Variants in SLCO4A1 observed in about 807,000 individuals in gnomAD.
SLCO4A1 encodes colon organic anion transporter.
A neutral mutation model predicts 64.6 loss-of-function variants in SLCO4A1; 51 were observed. The observed-to-expected ratio is 0.79, with a 90% CI of 0.63 to 1.00. The LOEUF (loss-of-function observed/expected upper bound fraction) is 1.00, where lower values mean the gene tolerates loss of function less well. Among genes scored for constraint, SLCO4A1 ranks in the 50% least tolerant of loss-of-function variants. The pLI is 0.00. For synonymous variants in SLCO4A1, 471 were observed against 444.9 expected (o/e 1.06, Z -0.74); for missense variants, 919 against 980.5 (o/e 0.94, Z 0.84).
At position 62,668,269 on chromosome 20, in the gene SLCO4A1, A is replaced by G. The variant is rs577815836; in HGVS notation, c.1811+85A>G. ...GCTCTGCAGATCCTGAGACAGGAGC[A>G]CTCCAGGAAACACCCAGGTCTAAGC... is the stretch of plus-strand genomic sequence containing the variant. On this transcript the variant is annotated intron_variant, in intron 9 of 11. Transcript: ENST00000217159. 1.4e-5 allele frequency: 20 copies of G among 1,474,544 alleles called. No homozygotes were observed. The African/African-American group carries it at 2.1e-4, about 15-fold the overall frequency. 91.3% of individuals were successfully genotyped at this position (1,474,544 alleles called of 1,614,324 possible).
chr20:62,682,913 G>A (rs558404397), intron 2 of SLCO4A1, among the ~76,000 whole-genome samples: 25 of 152,310 alleles, frequency 1.6e-4, no homozygotes, highest in East Asian at 1.4e-3. Context: ...GCATGAGGAC[G>A]GCCAGCATCC....
intron 3 of SLCO4A1, 132 bp downstream of exon 3, chr20:62,658,899 G>C (rs953114394): frequency 2.1e-5 from 16 of 756,396 alleles, no homozygotes; most frequent in Non-Finnish European, 3.3e-5. Context: ...CCGGGCTGGA[G>C]GGAGTCAAGG....
At chr20:62,650,375 G>A (rs1204666912) in intron 1 of SLCO4A1, 1 of 152,186 alleles carries the variant, frequency 6.6e-6, no homozygotes, top group Non-Finnish European at 1.5e-5. Context: ...CAGCCTCTAC[G>A]TGGGGCTGCC....
intron 1 of SLCO4A1, among the ~76,000 whole-genome samples, chr20:62,654,376 A>G (rs1983241824): frequency 6.6e-6 from 1 of 152,180 alleles, no homozygotes; most frequent in Non-Finnish European, 1.5e-5. Context: ...CTGCCCGGGG[A>G]ACACGGGGGG....
At chr20:62,679,247 G>T (rs1006579814) in intron 2 of SLCO4A1, among the ~76,000 whole-genome samples, 24 of 152,174 alleles carry the variant, frequency 1.6e-4, no homozygotes, top group African/African-American at 5.8e-4. Flanking sequence ...AGCTGCTCTG[G>T]GTCACGAAGC....
intron 9 of SLCO4A1, 43 bp downstream of exon 9, chr20:62,668,227 C>T: frequency 6.2e-7 from 1 of 1,604,602 alleles, no homozygotes. Flanking sequence ...GCTTTCCTTG[C>T]AGCACCCTGA....
chr20:62,643,110 A>T, intron 1 of SLCO4A1: 1 of 447,140 alleles, frequency 2.2e-6, no homozygotes, highest in South Asian at 1.6e-5. Flanking sequence ...GGCGCTCGAG[A>T]CATCTCCGGG....
At chr20:62,680,123 G>A (rs1409817065) in intron 2 of SLCO4A1, among the ~76,000 whole-genome samples, 1 of 152,172 alleles carries the variant, frequency 6.6e-6, no homozygotes, top group Non-Finnish European at 1.5e-5. Flanking sequence ...TATAATGATC[G>A]AGTTCAACGT....
At position 62,671,853 on chromosome 20, in the gene SLCO4A1, C is replaced by A. The variant is rs1283550421; in HGVS notation, c.2129C>A (p.Pro710His). 1.2e-6 allele frequency: 2 copies of A among 1,613,294 alleles called. No individual in the cohort carries two copies. The highest frequency in any genetic ancestry group is 2.2e-5 in the South Asian group (2 of 91,092). ...ETCLPSQSSAPDSATDSQLQS... is the reference protein window; with the variant it reads ...ETCLPSQSSAHDSATDSQLQS... ...TGTCTGCCCAGCCAGTCCTCAGCCC[C>A]TGACAGTGCCACAGATAGCCAGCTC... is the stretch of plus-strand genomic sequence containing the variant. The change falls in exon 12 of 12, where the codon CCT (proline) becomes CAT (histidine). Residue 710 changes from proline (P) to histidine (H), a missense_variant. Pro to His is a moderately conservative substitution (Grantham distance 77). Coordinates refer to ENST00000217159, the MANE Select transcript of SLCO4A1 (RefSeq NM_016354.4).
chr20:62,667,056 A>T (rs1197320659), intron 7 of SLCO4A1, among the ~76,000 whole-genome samples: 2 of 152,196 alleles, frequency 1.3e-5, no homozygotes, highest in Non-Finnish European at 2.9e-5. Flanking sequence ...CCGGGAGTGC[A>T]CCTGCAGGTG....
In SLCO4A1 at chr20:62,644,111, C is replaced by T. The variant is rs1980888011; in HGVS notation, c.-97+1558C>T. On this transcript the variant is annotated intron_variant, in intron 1 of 11. Coordinates refer to ENST00000217159, the MANE Select transcript of SLCO4A1 (RefSeq NM_016354.4). The surrounding 1 kb of genome is among the most constrained non-coding windows in gnomAD (Gnocchi z 5.4). Reference sequence around the variant, plus strand: ...AAGAGCTGGGCCTGCGGTTACTGGGCCAGAGTGTCTGTTCTGGGTTGTCAG... The same window carrying T: ...AAGAGCTGGGCCTGCGGTTACTGGGTCAGAGTGTCTGTTCTGGGTTGTCAG... 6.6e-6 allele frequency among the ~76,000 whole-genome samples: 1 copy of T among 152,210 alleles called. No homozygotes were observed. Among genetic ancestry groups the T allele is most frequent in the African/African-American group, 2.4e-5 (1 of 41,442 alleles).
At chr20:62,652,067 C>T (rs1053313785) in intron 1 of SLCO4A1, 6 of 147,570 alleles carry the variant, frequency 4.1e-5, no homozygotes, top group East Asian at 4.1e-4. Flanking sequence ...CACCCCCGCT[C>T]GGCCCCCCTC....
intron 3 of SLCO4A1, among the ~76,000 whole-genome samples, chr20:62,659,087 A>G (rs866926874): frequency 7.2e-5 from 11 of 152,142 alleles, no homozygotes; most frequent in Non-Finnish European, 1.5e-4. Flanking sequence ...CTTTCTTTGT[A>G]TCTTGTGTGT....
rs551298261 is a variant in SLCO4A1 at position 62,644,700 on chromosome 20, C to T, written c.-97+2147C>T. Among the ~76,000 whole-genome samples, 14 of 152,368 alleles carry T rather than the reference C, an allele frequency of 9.2e-5. No individual in the cohort carries two copies. Among genetic ancestry groups the T allele is most frequent in the South Asian group, 2.1e-4 (1 of 4,824 alleles). On this transcript the variant is annotated intron_variant, in intron 1 of 11. Transcript: ENST00000217159. This position sits in a 1 kb window ranked among gnomAD's most constrained non-coding sequence, Gnocchi z 5.4. Reference sequence around the variant, plus strand: ...CTTAGTATTGTGCCTACAAGGTCTTCGATCCGGATGTCTCCATGAGTGTTA... The same window carrying T: ...CTTAGTATTGTGCCTACAAGGTCTTTGATCCGGATGTCTCCATGAGTGTTA...
At position 62,665,063 on chromosome 20, in the gene SLCO4A1, T is replaced by A. The variant is rs768327255; in HGVS notation, c.1251T>A (p.Ser417Arg). The part of the protein sequence containing the change: ...PKFLESQFSL[S>R]ASEAATLFGY... ...TCTTGGAGTCCCAGTTCAGCCTGAG[T>A]GCCTCAGAAGCTGCCACCTTGTTTG... Residue 417 changes from serine (S) to arginine (R), a missense_variant, in exon 6 of 12, where the codon AGT becomes AGA. Physicochemically the swap from Ser to Arg is moderately radical, Grantham distance 110 (BLOSUM62 -1). Coordinates refer to ENST00000217159, the MANE Select transcript of SLCO4A1 (RefSeq NM_016354.4). 1 of 1,612,346 alleles carries A rather than the reference T, an allele frequency of 6.2e-7. No individual in the cohort carries two copies. Among genetic ancestry groups the A allele is most frequent in the Non-Finnish European group, 8.5e-7 (1 of 1,179,348 alleles).
downstream of SLCO4A1, chr20:62,672,365 C>T (rs1008079952): frequency 5.8e-6 from 5 of 863,054 alleles, no homozygotes; most frequent in African/African-American, 9.2e-5. Flanking sequence ...TGGCCCACGT[C>T]CTGTAGTCAG....
intron 2 of SLCO4A1, among the ~76,000 whole-genome samples, chr20:62,683,655 T>G (rs1987935851): frequency 6.6e-6 from 1 of 152,158 alleles, no homozygotes; most frequent in Non-Finnish European, 1.5e-5. Context: ...CCTCTTGTAT[T>G]CAGCACGGCA....
rs569064562 is a variant in SLCO4A1 at position 62,644,100 on chromosome 20, C to A, written c.-97+1547C>A. On this transcript the variant is annotated intron_variant, in intron 1 of 11. Coordinates refer to ENST00000217159, the MANE Select transcript of SLCO4A1 (RefSeq NM_016354.4). This position sits in a 1 kb window ranked among gnomAD's most constrained non-coding sequence, Gnocchi z 5.4. Reference sequence around the variant, plus strand: ...AACAGCGTCCCAAGAGCTGGGCCTGCGGTTACTGGGCCAGAGTGTCTGTTC... The same window carrying A: ...AACAGCGTCCCAAGAGCTGGGCCTGAGGTTACTGGGCCAGAGTGTCTGTTC... 3.9e-5 allele frequency among the ~76,000 whole-genome samples: 6 copies of A among 152,214 alleles called. No individual in the cohort carries two copies. The highest frequency in any genetic ancestry group is 7.3e-5 in the Non-Finnish European group (5 of 68,040).
chr20:62,642,642 A>G (rs9636512), intron 1 of SLCO4A1, 89 bp downstream of exon 1: 160,047 of 165,700 alleles, frequency 0.97, 77,537 homozygotes, highest in East Asian at 1. Context: ...CATCGTGGGC[A>G]GGGGCTGGAG....
Sources: gnomAD v4.1 joint callset for allele counts (sites outside exome capture counted in the v4.1 genomes callset) on GRCh38, gnomAD v4.1.1 for gene constraint, Gnocchi (gnomAD v3.1) non-coding constraint, MANE v1.5 for transcripts, NCBI Gene and HGNC (gene_info 2026-07-23, HGNC 2026-07-21) for gene names.